CTNNA2: variants seen among roughly 807,000 people sequenced by gnomAD.
CTNNA2 encodes the protein catenin alpha 2.
Under a neutral mutation model 101.0 loss-of-function variants are expected in CTNNA2, and 42 were observed. That is an observed-to-expected ratio of 0.42 (90% CI 0.32 to 0.54). CTNNA2 has a LOEUF of 0.54. Ranked by LOEUF, CTNNA2 falls within the 20% of genes least tolerant of loss-of-function variation. The pLI is 0.14. For missense variants in CTNNA2, 871 were observed against 1,223.1 expected (o/e 0.71, Z 4.29); for synonymous variants, 450 against 456.4 (o/e 0.99, Z 0.18).
At chr2:80,336,645 T>A (rs983056935) in intron 7 of CTNNA2, among the ~76,000 whole-genome samples, 28 of 152,204 alleles carry the variant, frequency 1.8e-4, no homozygotes, top group African/African-American at 6.5e-4. Context: ...TTTTCCATTT[T>A]AAAAATTTCA....
chr2:79,738,270 A>T (rs1038437120), intron 2 of CTNNA2, among the ~76,000 whole-genome samples: 8 of 152,194 alleles, frequency 5.3e-5, no homozygotes, highest in African/African-American at 1.7e-4. Context: ...TAGAACACTT[A>T]CACTCTTACC....
At chr2:80,115,628 C>T (rs569742267) in intron 7 of CTNNA2, among the ~76,000 whole-genome samples, 14 of 152,182 alleles carry the variant, frequency 9.2e-5, no homozygotes, top group African/African-American at 3.4e-4. Context: ...TCATGAATAA[C>T]GTGGTGTGCA....
At chr2:79,485,859 T>C (rs1483150396) in intron 4 of CTNNA2, among the ~76,000 whole-genome samples, 1 of 152,188 alleles carries the variant, frequency 6.6e-6, no homozygotes, top group Non-Finnish European at 1.5e-5. Context: ...TTTTCCTAAA[T>C]AGGAAGTTTA....
intron 7 of CTNNA2, among the ~76,000 whole-genome samples, chr2:80,352,692 C>T (rs1317422664): frequency 6.6e-6 from 1 of 152,034 alleles, no homozygotes; most frequent in Non-Finnish European, 1.5e-5. Flanking sequence ...TGGAAATATG[C>T]CATTTCTTGA....
chr2:80,219,349 G>A (rs1294999282), intron 7 of CTNNA2, among the ~76,000 whole-genome samples: 1 of 152,100 alleles, frequency 6.6e-6, no homozygotes, highest in African/African-American at 2.4e-5. Context: ...AAACTATTGG[G>A]TTTGAAGCAC....
intron 3 of CTNNA2, among the ~76,000 whole-genome samples, chr2:79,372,070 GC>G (rs1677884227): frequency 1.3e-5 from 2 of 152,212 alleles, no homozygotes; most frequent in South Asian, 4.1e-4. Context: ...GGATACCTGG[GC>G]CCTTGCCTGG....
chr2:80,495,395 C>T (rs540140147), intron 9 of CTNNA2, among the ~76,000 whole-genome samples: 21 of 152,106 alleles, frequency 1.4e-4, no homozygotes, highest in Non-Finnish European at 1.0e-4. Context: ...TCTCTTAAAG[C>T]GCTTTCGACT....
chr2:79,519,776 C>T (rs1310833378), intron 1 of CTNNA2, among the ~76,000 whole-genome samples: 1 of 152,130 alleles, frequency 6.6e-6, no homozygotes, highest in African/African-American at 2.4e-5. Flanking sequence ...GACTAAGTAA[C>T]CTGTCTTTTC....
rs563499756 is a variant in CTNNA2, at chr2:79,402,863, TAAATAATGGATAGTAAAAGAAA to T, written c.-135+28851_-135+28872del. ...ATATGGAAATTACACAGCACAGTGT[TAAATAATGGATAGTAAAAGAAA>T]TTGCTTAAATGATTAAATACTTGGA... On this transcript the variant is annotated intron_variant, in intron 4 of 21. Coordinates refer to the CTNNA2 transcript ENST00000466387. Among the ~76,000 whole-genome samples the T allele has an allele frequency of 5.2e-4, 79 of 151,942 alleles. 1 individual carries two copies. The highest frequency in any genetic ancestry group is 2.7e-3 in the Admixed American group (41 of 15,212).
At chr2:79,390,469 G>A (rs1042687037) in intron 4 of CTNNA2, among the ~76,000 whole-genome samples, 10 of 151,994 alleles carry the variant, frequency 6.6e-5, no homozygotes, top group African/African-American at 1.5e-4. Flanking sequence ...CACCTCCTCC[G>A]TTATACCTTT....
At chr2:80,548,722 G>A (rs946429507) in intron 11 of CTNNA2, among the ~76,000 whole-genome samples, 8 of 152,108 alleles carry the variant, frequency 5.3e-5, no homozygotes, top group African/African-American at 1.9e-4. Flanking sequence ...CGCAGACGGG[G>A]TTTGACAAAT....
intron 7 of CTNNA2, among the ~76,000 whole-genome samples, chr2:80,346,987 A>C (rs1162282519): frequency 6.6e-6 from 1 of 152,198 alleles, no homozygotes; most frequent in Non-Finnish European, 1.5e-5. Context: ...CTTCCGCTAG[A>C]AAGGTTTGAA....
rs199989422 is a variant in CTNNA2 at position 80,542,878 on chromosome 2, T to C, written c.1291-2104T>C. On this transcript the variant is annotated intron_variant, in intron 9 of 18. Transcript: ENST00000402739. ...AAGATTCTCCACTATCCTGATTTTT[T>C]CCCCCCCCCACATGCCACTTTGGAC... 9.6e-3 allele frequency among the ~76,000 whole-genome samples: 1,440 copies of C among 150,614 alleles called. 21 individuals carry two copies. Among genetic ancestry groups the C allele is most frequent in the African/African-American group, 0.026 (1,064 of 41,072 alleles).
chr2:80,051,781 A>G (rs1209757790), intron 7 of CTNNA2, among the ~76,000 whole-genome samples: 1 of 152,134 alleles, frequency 6.6e-6, no homozygotes, highest in Admixed American at 6.5e-5. Context: ...CTGCATTTCA[A>G]GCGAAGCCCA....
chr2:80,336,521 TA>T (rs1671776566), intron 7 of CTNNA2, among the ~76,000 whole-genome samples: 1 of 152,238 alleles, frequency 6.6e-6, no homozygotes, highest in Non-Finnish European at 1.5e-5. Flanking sequence ...TTATGCAGAT[TA>T]TTATCCAAAG....
At chr2:79,423,541 C>T (rs538106579) in intron 4 of CTNNA2, among the ~76,000 whole-genome samples, 1 of 152,286 alleles carries the variant, frequency 6.6e-6, no homozygotes, top group South Asian at 2.1e-4. Context: ...TTTTAAAGAA[C>T]TCCTCTCTAG....
At chr2:80,335,017 G>A (rs1031926068) in intron 7 of CTNNA2, among the ~76,000 whole-genome samples, 2 of 152,180 alleles carry the variant, frequency 1.3e-5, no homozygotes, top group Admixed American at 6.5e-5. Flanking sequence ...AATTAAGAAA[G>A]AAAGGAGTAC....
intron 4 of CTNNA2, among the ~76,000 whole-genome samples, chr2:79,422,132 G>A (rs1429554341): frequency 1.3e-5 from 2 of 152,110 alleles, no homozygotes; most frequent in African/African-American, 4.8e-5. Context: ...CAGCCTGGGC[G>A]TCGGAGTAAG....
intron 3 of CTNNA2, among the ~76,000 whole-genome samples, chr2:79,350,285 T>G (rs1428559928): frequency 5.3e-5 from 8 of 152,028 alleles, no homozygotes; most frequent in African/African-American, 1.9e-4. Flanking sequence ...ACCCCTCTCC[T>G]AACCTCCCCA....
Sources: allele counts gnomAD v4.1 joint callset (sites outside exome capture counted in the v4.1 genomes callset), GRCh38; gene constraint gnomAD v4.1.1; transcripts MANE v1.5; gene names NCBI Gene and HGNC (gene_info 2026-07-23, HGNC 2026-07-21).